Variants in MYO18B observed in about 807,000 individuals in gnomAD.
MYO18B encodes the protein myosin XVIIIB.
Under a neutral mutation model 273.0 loss-of-function variants are expected in MYO18B, and 204 were observed. The observed-to-expected ratio is 0.75, with a 90% CI of 0.67 to 0.84. The LOEUF is 0.84. Ranked by LOEUF, MYO18B falls within the 40% of genes least tolerant of loss-of-function variation. The pLI, the probability that MYO18B is intolerant of heterozygous loss-of-function variation, is 0.00. For missense variants in MYO18B, 3,212 were observed against 3,287.6 expected, an observed-to-expected ratio of 0.98 and a Z score of 0.56; for synonymous variants, 1,330 against 1,305.7, an observed-to-expected ratio of 1.02 and a Z score of -0.40.
chr22:25,781,833 A>G lies in MYO18B; in HGVS notation c.2311A>G (p.Arg771Gly). The G allele has an allele frequency of 6.4e-7, 1 of 1,557,512 alleles. No individual in the cohort carries two copies. Among genetic ancestry groups the G allele is most frequent in the South Asian group, 1.2e-5 (1 of 81,536 alleles). Reference sequence around the variant, plus strand: ...GCTGGCTGGATTGGACTTGGATCTCAGGTGAGCACTTGGGGCAGGAAGAGA... The same window carrying G: ...GCTGGCTGGATTGGACTTGGATCTCGGGTGAGCACTTGGGGCAGGAAGAGA... Reference protein sequence around the residue: ...QMLAGLDLDLRTELNLHQMAD... With the variant: ...QMLAGLDLDLGTELNLHQMAD... Residue 771 changes from arginine to glycine, a missense_variant and splice_region_variant, in exon 10 of 44, where the codon AGG (arginine) becomes GGG (glycine). Physicochemically the swap from Arg to Gly is moderately radical, Grantham distance 125. Coordinates refer to ENST00000335473, the MANE Select transcript of MYO18B (RefSeq NM_032608.7).
At chr22:26,046,545 T>C in the MYO18B span, among the ~76,000 whole-genome samples, 1 of 152,152 alleles carries the variant, frequency 6.6e-6, no homozygotes, top group Admixed American at 6.5e-5. Flanking sequence ...TCCAAATAGG[T>C]CCATTGCCCT....
intron 28 of MYO18B, chr22:25,895,655 T>A (rs1212322615): frequency 5.8e-6 from 1 of 171,384 alleles, no homozygotes; most frequent in Non-Finnish European, 1.3e-5. Flanking sequence ...GCCTCTGTTC[T>A]AATCTGCTAC....
intron 21 of MYO18B, among the ~76,000 whole-genome samples, chr22:25,862,585 G>T (rs947415677): frequency 2.6e-5 from 4 of 152,088 alleles, no homozygotes; most frequent in African/African-American, 7.2e-5. Context: ...GAATAATTTT[G>T]CCAGATACGG....
At chr22:25,965,368 G>A (rs146486036) in intron 39 of MYO18B, among the ~76,000 whole-genome samples, 1 of 152,308 alleles carries the variant, frequency 6.6e-6, no homozygotes, top group Non-Finnish European at 1.5e-5. Flanking sequence ...AAAGCCCATT[G>A]ATGATTAGGA....
intron 7 of MYO18B, among the ~76,000 whole-genome samples, chr22:25,773,684 C>T (rs938615237): frequency 3.9e-5 from 6 of 152,094 alleles, no homozygotes; most frequent in Non-Finnish European, 7.4e-5. Flanking sequence ...AGGATGGGCT[C>T]GATCTCCTGA....
At chr22:25,966,615 G>A (rs1178555633) in intron 39 of MYO18B, among the ~76,000 whole-genome samples, 2 of 152,216 alleles carry the variant, frequency 1.3e-5, no homozygotes, top group Middle Eastern at 3.4e-3. Context: ...TATAAACTCT[G>A]TGTTCACAGA....
At chr22:25,951,125 G>A (rs1470083398) in intron 37 of MYO18B, among the ~76,000 whole-genome samples, 1 of 152,152 alleles carries the variant, frequency 6.6e-6, no homozygotes, top group African/African-American at 2.4e-5. Flanking sequence ...CAGATTAAGG[G>A]TGGATCTGCC....
intron 1 of MYO18B, among the ~76,000 whole-genome samples, chr22:25,745,730 T>C (rs1457092493): frequency 1.3e-5 from 2 of 152,168 alleles, no homozygotes; most frequent in Non-Finnish European, 1.5e-5. Context: ...CCAGTGCTCA[T>C]GTGTAGGGTA....
At position 25,950,364 on chromosome 22, in the gene MYO18B, C is replaced by T. The variant is rs942508621; in HGVS notation, c.5749-3C>T. On this transcript the variant is annotated splice_polypyrimidine_tract_variant and splice_region_variant and intron_variant, in intron 36 of 43. Coordinates refer to ENST00000335473, the MANE Select transcript of MYO18B (RefSeq NM_032608.7). Reference sequence around the variant, plus strand: ...ATATACATTTTTTTTTTTGTCTCACCAGTCTGCTGCTGACATTGGGCAGAT... The same window carrying T: ...ATATACATTTTTTTTTTTGTCTCACTAGTCTGCTGCTGACATTGGGCAGAT... The T allele has an allele frequency of 2.5e-6, 4 of 1,590,288 alleles. No homozygotes were observed. The highest frequency in any genetic ancestry group is 1.8e-5 in the Admixed American group (1 of 56,786).
intron 39 of MYO18B, among the ~76,000 whole-genome samples, chr22:25,986,950 A>G (rs1019023345): frequency 1.5e-4 from 23 of 152,212 alleles, no homozygotes; most frequent in African/African-American, 5.3e-4. Flanking sequence ...TTTCAGCACC[A>G]GGCTCTGTAA....
Position 26,026,567 on chromosome 22 carries a change from G to A in MYO18B, c.6593G>A (p.Arg2198His), listed in dbSNP as rs376158747. 1.8e-4 allele frequency: 285 copies of A among 1,613,736 alleles called. 1 individual carries two copies. Among genetic ancestry groups the A allele is most frequent in the Non-Finnish European group, 1.9e-4 (224 of 1,179,888 alleles). Residue 2198 changes from arginine to histidine, a missense_variant, in exon 43 of 44, where the codon CGC becomes CAC. Physicochemically the swap from Arg to His is conservative, Grantham distance 29 (BLOSUM62 0). Coordinates refer to ENST00000335473, the MANE Select transcript of MYO18B (RefSeq NM_032608.7). ...GDKPVSPHFVRRQKYCHFGDG... is the reference protein window; with the variant it reads ...GDKPVSPHFVHRQKYCHFGDG... ...AAGCCTGTTTCTCCCCACTTTGTCC[G>A]CCGGCAAAAGTACTGTCATTTTGGG...
chr22:25,886,992 T>A (rs1338175375), intron 25 of MYO18B, among the ~76,000 whole-genome samples: 4 of 152,184 alleles, frequency 2.6e-5, no homozygotes. Flanking sequence ...ATTTCAAGAG[T>A]GTGAGCTGTT....
chr22:25,752,113 C>A (rs2085945232), intron 1 of MYO18B, among the ~76,000 whole-genome samples: 1 of 139,966 alleles, frequency 7.1e-6, no homozygotes, highest in South Asian at 2.6e-4. Flanking sequence ...TCTGTCCCTT[C>A]TCAGGCTCAT....
At chr22:25,902,827 A>T (rs2091965664) in intron 30 of MYO18B, 91 bp downstream of exon 30, 4 of 1,413,978 alleles carry the variant, frequency 2.8e-6, no homozygotes, top group Non-Finnish European at 3.8e-6. Context: ...GGTGACAGAG[A>T]GAAAACTTCA....
intron 33 of MYO18B, among the ~76,000 whole-genome samples, chr22:25,912,994 T>C (rs145794975): frequency 6.6e-6 from 1 of 152,360 alleles, no homozygotes; most frequent in African/African-American, 2.4e-5. Context: ...TAAAATCTCC[T>C]ACTTCTATTG....
At chr22:26,012,795 G>C (rs1242547238) in intron 42 of MYO18B, among the ~76,000 whole-genome samples, 1 of 152,154 alleles carries the variant, frequency 6.6e-6, no homozygotes, top group Non-Finnish European at 1.5e-5. Flanking sequence ...AAAATCTGTG[G>C]TTCTCTGATT....
intron 39 of MYO18B, chr22:25,964,921 A>G (rs547641594): frequency 6.6e-6 from 1 of 152,358 alleles, no homozygotes; most frequent in East Asian, 1.9e-4. Flanking sequence ...CCTTGTAGGA[A>G]AAAAACCGGT....
chr22:26,025,530 C>T (rs985700155), intron 42 of MYO18B, among the ~76,000 whole-genome samples: 4 of 152,236 alleles, frequency 2.6e-5, no homozygotes, highest in African/African-American at 7.2e-5. Context: ...AGCATCTCTT[C>T]AGGCCTGAGC....
At chr22:25,850,306 A>G (rs1416621272) in intron 20 of MYO18B, among the ~76,000 whole-genome samples, 4 of 152,052 alleles carry the variant, frequency 2.6e-5, no homozygotes, top group Admixed American at 6.6e-5. Flanking sequence ...AAACCTCGAG[A>G]CCTGGAATTT....
Sources: allele counts gnomAD v4.1 joint callset (sites outside exome capture counted in the v4.1 genomes callset), GRCh38; gene constraint gnomAD v4.1.1; transcripts MANE v1.5; gene names NCBI Gene and HGNC (gene_info 2026-07-23, HGNC 2026-07-21).